MUC7: variants seen among roughly 807,000 people sequenced by gnomAD.
MUC7 encodes the protein mucin 7, secreted.
MUC7 carries 2 observed loss-of-function variants against 2.5 expected under a neutral mutation model. That is an observed-to-expected ratio of 0.81 (90% CI 0.33 to 2.55). The LOEUF (loss-of-function observed/expected upper bound fraction) is 2.55. Among genes scored for constraint, MUC7 ranks in the 30% most tolerant of loss-of-function variants. The probability of loss-of-function intolerance (pLI) is 0.11; values close to 1 mark genes in which losing one functional copy is unlikely to be tolerated. For missense variants in MUC7, 408 were observed against 455.6 expected (o/e 0.90, Z 0.95); for synonymous variants, 133 against 173.4 (o/e 0.77, Z 1.83).
In MUC7 at chr4:70,482,149, A is replaced by G; in HGVS notation, c.*271A>G. ...CCTACTGAGGGCAAAGAAAGTCCTTAGATAAAGAGAGAATATTGTATGGGC... is the reference window on the plus strand; with the variant it reads ...CCTACTGAGGGCAAAGAAAGTCCTTGGATAAAGAGAGAATATTGTATGGGC... On this transcript the variant is annotated 3_prime_UTR_variant, in exon 3 of 3. Coordinates refer to ENST00000304887, the MANE Select transcript of MUC7 (RefSeq NM_152291.3). 1 of 284,620 alleles carries G rather than the reference A, an allele frequency of 3.5e-6. No individual in the cohort carries two copies. The highest frequency in any genetic ancestry group is 6.3e-6 in the Non-Finnish European group (1 of 157,752). The allele number at this position is 284,620 out of a possible 1,614,324, so 17.6% of individuals were successfully genotyped here. A position where few individuals can be genotyped will look rare whatever the true frequency, so the allele number is the denominator to read the frequency against.
chr4:70,437,689 G>A (rs532905519), intron 1 of MUC7, among the ~76,000 whole-genome samples: 7 of 152,232 alleles, frequency 4.6e-5, no homozygotes, highest in South Asian at 2.1e-4. Context: ...CAGGTGAGGC[G>A]ACACCCCACC....
chr4:70,462,941 G>A (rs978355642), intron 1 of MUC7, among the ~76,000 whole-genome samples: 3 of 152,032 alleles, frequency 2.0e-5, no homozygotes, highest in Non-Finnish European at 4.4e-5. Context: ...ACTCCAGCCC[G>A]GGCAACAGAG....
chr4:70,470,242 C>T (rs1734797708), upstream of MUC7, among the ~76,000 whole-genome samples: 1 of 152,104 alleles, frequency 6.6e-6, no homozygotes, highest in Non-Finnish European at 1.5e-5. Context: ...AAACATCACA[C>T]ACCAGGGCCT....
intron 1 of MUC7, among the ~76,000 whole-genome samples, chr4:70,454,516 G>A (rs1015909452): frequency 6.6e-6 from 1 of 152,156 alleles, no homozygotes; most frequent in African/African-American, 2.4e-5. Flanking sequence ...CCTGCCATAT[G>A]ACCACTGCAA....
intron 2 of MUC7, among the ~76,000 whole-genome samples, chr4:70,475,063 G>A (rs1420001864): frequency 1.3e-5 from 2 of 152,124 alleles, no homozygotes; most frequent in African/African-American, 4.8e-5. Flanking sequence ...TGGATCACCC[G>A]AGGTCAGGAG....
intron 1 of MUC7, among the ~76,000 whole-genome samples, chr4:70,441,858 A>C (rs1239842141): frequency 6.6e-6 from 1 of 152,224 alleles, no homozygotes; most frequent in Non-Finnish European, 1.5e-5. Flanking sequence ...TTTAGTGGTT[A>C]ATGGAGCACC....
At chr4:70,468,080 C>T (rs965632305), upstream of MUC7, among the ~76,000 whole-genome samples, 3 of 152,108 alleles carry the variant, frequency 2.0e-5, no homozygotes, top group Non-Finnish European at 2.9e-5. Context: ...GGCTTTACCC[C>T]GGGATGCAAG....
chr4:70,462,775 C>T (rs1734587330), intron 1 of MUC7, among the ~76,000 whole-genome samples: 1 of 150,842 alleles, frequency 6.6e-6, no homozygotes, highest in Non-Finnish European at 1.5e-5. Flanking sequence ...TAGTTCAAGA[C>T]CAGCCTGGGT....
chr4:70,463,369 C>A (rs962060896), intron 1 of MUC7, among the ~76,000 whole-genome samples: 5 of 152,162 alleles, frequency 3.3e-5, no homozygotes, highest in Non-Finnish European at 7.4e-5. Context: ...TAGGCAAAAG[C>A]CTTTACCATG....
intron 1 of MUC7, among the ~76,000 whole-genome samples, 182 bp from the exon 2 acceptor site, chr4:70,473,825 A>G (rs1402220888): frequency 1.3e-5 from 2 of 152,216 alleles, no homozygotes; most frequent in East Asian, 1.9e-4. Context: ...CTCTAAAAGA[A>G]TGCATTTTAG....
intron 1 of MUC7, among the ~76,000 whole-genome samples, chr4:70,435,888 G>T (rs545911684): frequency 6.6e-6 from 1 of 152,162 alleles, no homozygotes; most frequent in Admixed American, 6.5e-5. Flanking sequence ...CTCTTGTAAG[G>T]CAGGCCTGGT....
intron 1 of MUC7, among the ~76,000 whole-genome samples, chr4:70,464,699 TC>T (rs998375678): frequency 1.3e-5 from 2 of 151,956 alleles, no homozygotes; most frequent in African/African-American, 4.8e-5. Context: ...CTGTCTAGAT[TC>T]CTCCTCTCTA....
At chr4:70,445,237 A>G (rs1052910288) in intron 1 of MUC7, among the ~76,000 whole-genome samples, 1 of 152,070 alleles carries the variant, frequency 6.6e-6, no homozygotes, top group African/African-American at 2.4e-5. Flanking sequence ...GCACAACTTC[A>G]TCTATTGCCC....
intron 1 of MUC7, among the ~76,000 whole-genome samples, chr4:70,434,299 C>A (rs1173336042): frequency 6.6e-6 from 1 of 152,146 alleles, no homozygotes; most frequent in Non-Finnish European, 1.5e-5. Flanking sequence ...AGAATGGTAC[C>A]AGCTCCTCTT....
intron 1 of MUC7, among the ~76,000 whole-genome samples, chr4:70,453,440 A>G (rs1734334246): frequency 6.6e-6 from 1 of 152,148 alleles, no homozygotes; most frequent in African/African-American, 2.4e-5. Flanking sequence ...GTATTGCCTG[A>G]CTACTGCTGA....
intron 2 of MUC7, among the ~76,000 whole-genome samples, chr4:70,476,432 T>C (rs1735003570): frequency 6.6e-6 from 1 of 152,176 alleles, no homozygotes; most frequent in Non-Finnish European, 1.5e-5. Flanking sequence ...TTCTTCCAAG[T>C]GCTTAGAATA....
At chr4:70,431,632 A>G (rs1477938072) in intron 1 of MUC7, among the ~76,000 whole-genome samples, 3 of 152,206 alleles carry the variant, frequency 2.0e-5, no homozygotes, top group African/African-American at 7.2e-5. Context: ...TTTTCATTGG[A>G]ATTACATAAA....
In MUC7 at chr4:70,480,767, T is replaced by C. The variant is rs745916821; in HGVS notation, c.55-32T>C. 1.1e-5 allele frequency: 18 copies of C among 1,598,268 alleles called. No individual in the cohort carries two copies. In the African/African-American group the frequency reaches 2.0e-4, roughly 18 times the overall value. ...ACCTGATTGATAAATGGATACTTTT[T>C]TCATTTCTTACATTTTCTTTCTTTT... is the stretch of plus-strand genomic sequence containing the variant. On this transcript the variant is annotated intron_variant, in intron 2 of 2. Transcript: ENST00000304887.
chr4:70,478,482 A>G (rs115191821), intron 2 of MUC7, among the ~76,000 whole-genome samples: 1,945 of 152,314 alleles, frequency 0.013, 42 homozygotes, highest in African/African-American at 0.045. Context: ...ATTTAATCCA[A>G]ATCATTTTAT....
Sources: allele counts gnomAD v4.1 joint callset (sites outside exome capture counted in the v4.1 genomes callset), GRCh38; gene constraint gnomAD v4.1.1; transcripts MANE v1.5; gene names NCBI Gene and HGNC (gene_info 2026-07-23, HGNC 2026-07-21).